The following DUOXA1 variants were observed in gnomAD, a reference collection of about 807,000 sequenced individuals.
DUOXA1 encodes dual oxidase maturation factor 1.
In DUOXA1, 19 loss-of-function variants were observed where a neutral mutation model predicts 26.6. That is an observed-to-expected ratio of 0.71 (90% confidence interval 0.50 to 1.05). DUOXA1 has a LOEUF of 1.05. Among genes scored for constraint, DUOXA1 ranks in the 50% least tolerant of loss-of-function variants. The pLI is 0.00. For synonymous variants in DUOXA1, 166 were observed against 177.0 expected (o/e 0.94, Z 0.49); for missense variants, 403 against 427.5 (o/e 0.94, Z 0.51).
Position 45,118,886 on chromosome 15 carries a change from C to A in DUOXA1, c.*220G>T, listed in dbSNP as rs998298098. 1.6e-6 allele frequency: 2 copies of A among 1,262,172 alleles called. No individual in the cohort carries two copies. Among genetic ancestry groups the A allele is most frequent in the African/African-American group, 1.5e-5 (1 of 65,744 alleles). 78.2% of individuals were successfully genotyped at this position (1,262,172 alleles called of 1,614,324 possible). On this transcript the variant is annotated 3_prime_UTR_variant, in exon 9 of 9. Coordinates refer to ENST00000560572, the MANE Select transcript of DUOXA1 (RefSeq NM_001276266.2). Reference sequence around the variant, plus strand: ...TGCTTGGCCTTATCATGGCAACAGGCTTTATGGACAGGCCCAGCATCTCTT... The same window carrying A: ...TGCTTGGCCTTATCATGGCAACAGGATTTATGGACAGGCCCAGCATCTCTT...
intron 5 of DUOXA1, 125 bp downstream of exon 5, chr15:45,122,060 G>T: frequency 1.0e-6 from 1 of 983,932 alleles, no homozygotes; most frequent in South Asian, 1.4e-5. Context: ...CATATGGGCA[G>T]GGTCTGGAAG....
intron 3 of DUOXA1, among the ~76,000 whole-genome samples, chr15:45,124,542 C>T (rs1057396279): frequency 2.6e-5 from 4 of 152,152 alleles, no homozygotes; most frequent in Admixed American, 2.0e-4. Flanking sequence ...CAGAGTCTTG[C>T]TCTGTCACCC....
intron 5 of DUOXA1, among the ~76,000 whole-genome samples, chr15:45,121,503 A>G (rs1439046589): frequency 6.6e-6 from 1 of 152,254 alleles, no homozygotes; most frequent in African/African-American, 2.4e-5. Context: ...GGCAAGGCAA[A>G]CGCAGATAGC....
In DUOXA1 at chr15:45,129,540, C is replaced by T. The variant is rs1445712863; in HGVS notation, c.-227G>A. 2 of 152,798 alleles carry T rather than the reference C, an allele frequency of 1.3e-5. No homozygotes were observed. The highest frequency in any genetic ancestry group is 2.9e-5 in the Non-Finnish European group (2 of 68,216). The allele number at this position is 152,798 out of a possible 1,614,324, so 9.5% of individuals were successfully genotyped here. A position where few individuals can be genotyped will look rare whatever the true frequency, so the allele number is the denominator to read the frequency against. On this transcript the variant is annotated 5_prime_UTR_variant, in exon 2 of 9. Coordinates refer to ENST00000560572, the MANE Select transcript of DUOXA1 (RefSeq NM_001276266.2). This position sits in a 1 kb window ranked among gnomAD's most constrained non-coding sequence, Gnocchi z 4.1. The stretch of plus-strand genomic sequence containing the variant: ...GACCCCCAAGACCTCACGAGGATCC[C>T]CGGAGGGAGACGTGACTCCGGGGTC...
intron 8 of DUOXA1, 80 bp from the exon 9 acceptor site, chr15:45,119,445 C>A: frequency 6.7e-7 from 1 of 1,494,846 alleles, no homozygotes; most frequent in Non-Finnish European, 9.0e-7. Context: ...AGTGTCAGAA[C>A]AACTCTAAGG....
rs926101072 is a variant in DUOXA1, at chr15:45,118,966, C to T, written c.*140G>A. 25 of 1,428,732 alleles carry T rather than the reference C, an allele frequency of 1.7e-5. No individual in the cohort carries two copies. In the African/African-American group the frequency reaches 2.4e-4, roughly 14 times the overall value. The allele number at this position is 1,428,732 out of a possible 1,614,324, so 88.5% of individuals were successfully genotyped here. ...GTTTTTTAACATCAGTATATAGAGCCTCCTTTTTCTACTCCGTCTGTAGAT... is the reference window on the plus strand; with the variant it reads ...GTTTTTTAACATCAGTATATAGAGCTTCCTTTTTCTACTCCGTCTGTAGAT... On this transcript the variant is annotated 3_prime_UTR_variant, in exon 9 of 9. Coordinates refer to ENST00000560572, the MANE Select transcript of DUOXA1 (RefSeq NM_001276266.2).
At chr15:45,119,451 T>C in intron 8 of DUOXA1, 86 bp from the exon 9 acceptor site, 1 of 1,482,702 alleles carries the variant, frequency 6.7e-7, no homozygotes, top group Non-Finnish European at 9.0e-7. Context: ...AGAACAACTC[T>C]AAGGGAAGCC....
chr15:45,123,075 C>A, intron 3 of DUOXA1, 32 bp from the exon 4 acceptor site: 1 of 1,530,646 alleles, frequency 6.5e-7, no homozygotes, highest in South Asian at 1.3e-5. Context: ...TTATTGCATG[C>A]CCTCAATGTA....
chr15:45,120,840 C>G, intron 6 of DUOXA1, 35 bp from the exon 7 acceptor site: 1 of 1,609,960 alleles, frequency 6.2e-7, no homozygotes, highest in Non-Finnish European at 8.5e-7. Flanking sequence ...AGCAGGAACC[C>G]AAGGGCCAGA....
At chr15:45,122,546 A>G (rs1415009002) in intron 4 of DUOXA1, among the ~76,000 whole-genome samples, 1 of 134,672 alleles carries the variant, frequency 7.4e-6, no homozygotes, top group African/African-American at 2.6e-5. Flanking sequence ...GATGCACACC[A>G]TGATGCCCAG....
intron 3 of DUOXA1, among the ~76,000 whole-genome samples, chr15:45,127,914 A>G (rs1895800912): frequency 6.6e-6 from 1 of 152,220 alleles, no homozygotes; most frequent in Non-Finnish European, 1.5e-5. Flanking sequence ...ACAGAGACAC[A>G]GACGCAAGAA....
intron 6 of DUOXA1, 116 bp from the exon 7 acceptor site, chr15:45,120,921 G>T: frequency 1.3e-6 from 2 of 1,484,878 alleles, no homozygotes; most frequent in East Asian, 2.3e-5. Flanking sequence ...AGAGAAGGTA[G>T]CTTCCAAGGC....
chr15:45,119,074 G>A lies in DUOXA1; in HGVS notation c.*32C>T, dbSNP rs764968386. On this transcript the variant is annotated 3_prime_UTR_variant, in exon 9 of 9. Coordinates refer to ENST00000560572, the MANE Select transcript of DUOXA1 (RefSeq NM_001276266.2). ...CGCCAATGAGGTTTGGAGCCAGACT[G>A]GAAGTCCAGGTGGCCTCCACGGGGA... 2.6e-6 allele frequency: 4 copies of A among 1,544,758 alleles called. No individual in the cohort carries two copies. In the African/African-American group the frequency reaches 5.4e-5, roughly 21 times the overall value.
chr15:45,117,977 C>T lies in DUOXA1; in HGVS notation c.*1129G>A, dbSNP rs1296728680. ...AGGCCGGGAAGCAGTGCCCGCCAGG[C>T]CTGGGCCAGGAGAGCTCCAGGAAGG... On this transcript the variant is annotated 3_prime_UTR_variant, in exon 9 of 9. Transcript: ENST00000560572. 8 of 1,612,744 alleles carry T rather than the reference C, an allele frequency of 5.0e-6. No individual in the cohort carries two copies. Among genetic ancestry groups the T allele is most frequent in the Non-Finnish European group, 5.9e-6 (7 of 1,179,726 alleles).
chr15:45,117,490 G>A lies in DUOXA1; in HGVS notation c.*1616C>T. ...AAAAGTGGGGGGCTCAGAAGGGTTTGGTGTCTTGCCGTGTTTCATGTAATT... is the reference window on the plus strand; with the variant it reads ...AAAAGTGGGGGGCTCAGAAGGGTTTAGTGTCTTGCCGTGTTTCATGTAATT... On this transcript the variant is annotated 3_prime_UTR_variant, in exon 9 of 9. Coordinates refer to ENST00000560572, the MANE Select transcript of DUOXA1 (RefSeq NM_001276266.2). 1.9e-6 allele frequency: 3 copies of A among 1,551,922 alleles called. No individual in the cohort carries two copies. Among genetic ancestry groups the A allele is most frequent in the South Asian group, 1.2e-5 (1 of 84,204 alleles).
intron 8 of DUOXA1, 30 bp from the exon 9 acceptor site, chr15:45,119,395 T>TGCC (rs1317692850): frequency 6.3e-7 from 1 of 1,578,896 alleles, no homozygotes; most frequent in Non-Finnish European, 8.7e-7. Context: ...TTGTCCCACC[T>TGCC]TAGTGCTAGT....
chr15:45,120,230 G>T lies in DUOXA1; in HGVS notation c.645C>A (p.Ile215=), dbSNP rs770838058. 1.1e-4 allele frequency: 179 copies of T among 1,614,042 alleles called. No homozygotes were observed. Among genetic ancestry groups the T allele is most frequent in the Non-Finnish European group, 1.5e-4 (177 of 1,180,010 alleles). The change falls in exon 8 of 9, where the codon ATC becomes ATA. Residue 215 remains isoleucine (I), a synonymous_variant. Transcript: ENST00000560572. ...AGAAGAGCAGAGCCAACAGCTGGAA[G>T]ATGCCCGTGGCCAATAGCATGTAGC... ...YGGYMLLATG[I]FQLLALLFFS...
intron 3 of DUOXA1, among the ~76,000 whole-genome samples, chr15:45,126,411 A>C (rs1895682674): frequency 6.6e-6 from 1 of 152,082 alleles, no homozygotes; most frequent in Non-Finnish European, 1.5e-5. Context: ...CCTGGAATGC[A>C]CTCACTCTCT....
At chr15:45,123,801 G>C (rs1251313526) in intron 3 of DUOXA1, among the ~76,000 whole-genome samples, 1 of 152,222 alleles carries the variant, frequency 6.6e-6, no homozygotes, top group African/African-American at 2.4e-5. Context: ...TCAAACGCTA[G>C]CTGTGGTCTT....
Sources: gnomAD v4.1 joint callset for allele counts (sites outside exome capture counted in the v4.1 genomes callset) on GRCh38, gnomAD v4.1.1 for gene constraint, Gnocchi (gnomAD v3.1) non-coding constraint, MANE v1.5 for transcripts, NCBI Gene and HGNC (gene_info 2026-07-23, HGNC 2026-07-21) for gene names.